The following ERC2 variants were observed in gnomAD, a reference collection of about 807,000 sequenced individuals.
ERC2 encodes ELKS/RAB6-interacting/CAST family member 2.
A neutral mutation model predicts 114.8 loss-of-function variants in ERC2; 42 were observed. That is an observed-to-expected ratio of 0.37 (90% CI 0.29 to 0.47). The LOEUF (loss-of-function observed/expected upper bound fraction) is 0.47, where lower values mean the gene tolerates loss of function less well. ERC2 is among the 20% of genes least tolerant of loss of function. The pLI, the probability that ERC2 is intolerant of heterozygous loss-of-function variation, is 0.99. For missense variants in ERC2, 939 were observed against 1,150.7 expected, an observed-to-expected ratio of 0.82 and a Z score of 2.66; for synonymous variants, 454 against 425.5, an observed-to-expected ratio of 1.07 and a Z score of -0.82.
At chr3:56,338,446 G>A (rs916448192) in intron 2 of ERC2, among the ~76,000 whole-genome samples, 2 of 152,148 alleles carry the variant, frequency 1.3e-5, no homozygotes, top group African/African-American at 4.8e-5. Context: ...AATCCTGGTG[G>A]GGGATGAGAG....
chr3:56,449,114 C>G (rs1163401874), intron 1 of ERC2, among the ~76,000 whole-genome samples: 2 of 151,286 alleles, frequency 1.3e-5, no homozygotes, highest in Non-Finnish European at 2.9e-5. Context: ...ATTTGGCCCA[C>G]AGGTAGTAGT....
chr3:56,066,572 G>T (rs759666352), intron 7 of ERC2, among the ~76,000 whole-genome samples: 2 of 152,078 alleles, frequency 1.3e-5, no homozygotes, highest in Non-Finnish European at 2.9e-5. Context: ...GATCCCATTT[G>T]TCAATTTTTG....
chr3:56,091,594 CCTT>C (rs1404790511), intron 6 of ERC2, among the ~76,000 whole-genome samples: 1 of 152,142 alleles, frequency 6.6e-6, no homozygotes, highest in African/African-American at 2.4e-5. Flanking sequence ...AGGTAGGACA[CCTT>C]CTGCACATTT....
intron 7 of ERC2, among the ~76,000 whole-genome samples, chr3:56,060,381 C>T (rs531495095): frequency 2.0e-5 from 3 of 152,302 alleles, no homozygotes; most frequent in Admixed American, 1.3e-4. Flanking sequence ...TGGGAAGAAA[C>T]CCCCACCCTT....
chr3:56,180,595 C>G (rs2083234983), intron 3 of ERC2, among the ~76,000 whole-genome samples: 1 of 152,092 alleles, frequency 6.6e-6, no homozygotes, highest in Non-Finnish European at 1.5e-5. Context: ...TGATAGGTAT[C>G]TAGAGTAGAC....
intron 7 of ERC2, among the ~76,000 whole-genome samples, chr3:56,078,748 A>T (rs1432594885): frequency 2.0e-5 from 3 of 152,108 alleles, no homozygotes; most frequent in Non-Finnish European, 4.4e-5. Context: ...ATATTTATTA[A>T]GCATTTAGTA....
intron 7 of ERC2, among the ~76,000 whole-genome samples, chr3:56,026,664 T>C (rs542023608): frequency 1.3e-5 from 2 of 152,302 alleles, no homozygotes; most frequent in East Asian, 3.9e-4. Context: ...TTATAAGAAA[T>C]AATACAAAGA....
intron 17 of ERC2, among the ~76,000 whole-genome samples, chr3:55,590,471 T>TA (rs2107602912): frequency 6.6e-6 from 1 of 152,318 alleles, no homozygotes; most frequent in African/African-American, 2.4e-5. Flanking sequence ...GCAGCCTTCT[T>TA]AAAAAATACT....
At chr3:56,213,943 C>A (rs1334244211) in intron 3 of ERC2, among the ~76,000 whole-genome samples, 1 of 152,142 alleles carries the variant, frequency 6.6e-6, no homozygotes, top group South Asian at 2.1e-4. Context: ...AGCTGAAGGT[C>A]CTGACTGCTA....
At chr3:56,267,980 T>C (rs1381019973) in intron 3 of ERC2, among the ~76,000 whole-genome samples, 1 of 152,200 alleles carries the variant, frequency 6.6e-6, no homozygotes, top group African/African-American at 2.4e-5. Flanking sequence ...TAGGTACTCT[T>C]ACCACACAGA....
intron 5 of ERC2, among the ~76,000 whole-genome samples, chr3:56,147,874 T>G (rs764320837): frequency 6.6e-6 from 1 of 152,210 alleles, no homozygotes; most frequent in Non-Finnish European, 1.5e-5. Context: ...TATGCATATG[T>G]AAAAATAATA....
intron 7 of ERC2, among the ~76,000 whole-genome samples, chr3:56,019,323 A>G (rs910954595): frequency 5.9e-5 from 9 of 152,160 alleles, no homozygotes; most frequent in Middle Eastern, 3.2e-3. Flanking sequence ...TATCCCTTTT[A>G]CCAGCCTTTT....
At chr3:55,834,428 A>T (rs1223293334) in intron 14 of ERC2, among the ~76,000 whole-genome samples, 3 of 152,230 alleles carry the variant, frequency 2.0e-5, no homozygotes, top group African/African-American at 7.2e-5. Flanking sequence ...CCACAGTGCA[A>T]TCAAACTAGA....
At chr3:55,893,692 T>G (rs1389520922) in intron 13 of ERC2, among the ~76,000 whole-genome samples, 1 of 152,200 alleles carries the variant, frequency 6.6e-6, no homozygotes, top group Non-Finnish European at 1.5e-5. Flanking sequence ...CTTTCCTCTT[T>G]TATTTTCCAT....
intron 3 of ERC2, among the ~76,000 whole-genome samples, chr3:56,198,790 T>C (rs1377902852): frequency 6.6e-6 from 1 of 152,044 alleles, no homozygotes; most frequent in Non-Finnish European, 1.5e-5. Flanking sequence ...TGAGAATTAT[T>C]ATCAAATGAA....
intron 17 of ERC2, among the ~76,000 whole-genome samples, chr3:55,518,787 A>G (rs511843): frequency 0.34 from 51,802 of 152,202 alleles, 10,227 homozygotes; most frequent in African/African-American, 0.54. Context: ...AATCGCTGAC[A>G]GAATAACCAC....
At chr3:55,871,878 G>T (rs2062599198) in intron 14 of ERC2, among the ~76,000 whole-genome samples, 1 of 152,152 alleles carries the variant, frequency 6.6e-6, no homozygotes, top group South Asian at 2.1e-4. Context: ...ACTCTAGGGG[G>T]AAAGGTCTTC....
At chr3:56,268,468 T>TA (rs1266820869) in intron 3 of ERC2, among the ~76,000 whole-genome samples, 1 of 152,054 alleles carries the variant, frequency 6.6e-6, no homozygotes, top group East Asian at 1.9e-4. Context: ...AGCACATATA[T>TA]AAAAAACAAA....
intron 3 of ERC2, among the ~76,000 whole-genome samples, chr3:56,182,077 G>A (rs1575717477): frequency 6.6e-6 from 1 of 152,152 alleles, no homozygotes; most frequent in African/African-American, 2.4e-5. Context: ...ATTAAATTTG[G>A]GGTAATGTGT....
Sources: allele counts gnomAD v4.1 joint callset (sites outside exome capture counted in the v4.1 genomes callset), GRCh38; gene constraint gnomAD v4.1.1; transcripts MANE v1.5; gene names NCBI Gene and HGNC (gene_info 2026-07-23, HGNC 2026-07-21).